RBMS3: variants seen among roughly 807,000 people sequenced by gnomAD.
The protein encoded by RBMS3 is RNA binding motif single stranded interacting protein 3, also known as RNA-binding motif, single-stranded-interacting protein 3.
A neutral mutation model predicts 66.8 loss-of-function variants in RBMS3; 27 were observed. That is an observed-to-expected ratio of 0.40 (90% CI 0.30 to 0.56). RBMS3 has a LOEUF of 0.56. Ranked by LOEUF, RBMS3 falls within the 20% of genes least tolerant of loss-of-function variation. The probability of loss-of-function intolerance (pLI) is 0.40; values close to 1 mark genes in which losing one functional copy is unlikely to be tolerated. For missense variants in RBMS3, 513 were observed against 549.5 expected, an observed-to-expected ratio of 0.93 and a Z score of 0.66; for synonymous variants, 188 against 183.0, an observed-to-expected ratio of 1.03 and a Z score of -0.22.
chr3:29,743,850 T>C (rs1380066358), intron 5 of RBMS3, among the ~76,000 whole-genome samples: 1 of 150,618 alleles, frequency 6.6e-6, no homozygotes, highest in African/African-American at 2.4e-5. Context: ...ACCCATTAAC[T>C]CGTCATTTAG....
In RBMS3 at chr3:29,376,748, A is replaced by G. The variant is rs1043128942; in HGVS notation, c.76-57995A>G. ...TGGTGAAACCCCATCTCTACTAAAA[A>G]TACAAAAAATTACCTGGCGTGGTGG... is the stretch of plus-strand genomic sequence containing the variant. On this transcript the variant is annotated intron_variant, in intron 1 of 14. Transcript: ENST00000383767. Among the ~76,000 whole-genome samples the G allele has an allele frequency of 4.6e-5, 7 of 152,296 alleles. No individual in the cohort carries two copies. In the East Asian group the frequency reaches 1.2e-3, roughly 25 times the overall value.
intron 3 of RBMS3, among the ~76,000 whole-genome samples, chr3:29,549,397 A>ATTTT (rs5847580): frequency 2.2e-5 from 3 of 135,508 alleles, no homozygotes; most frequent in Non-Finnish European, 4.8e-5. Flanking sequence ...AATTGGATTG[A>ATTTT]TTTTTTTTTT....
At chr3:29,630,490 A>T (rs1037991938) in intron 4 of RBMS3, among the ~76,000 whole-genome samples, 2 of 151,976 alleles carry the variant, frequency 1.3e-5, no homozygotes, top group African/African-American at 4.8e-5. Flanking sequence ...TAGGAAACTC[A>T]GTCAATTCTT....
At chr3:29,855,557 A>ATGATCTTTTAGAATGATCTTTTGTGAC (rs2059052380) in intron 6 of RBMS3, among the ~76,000 whole-genome samples, 1 of 152,216 alleles carries the variant, frequency 6.6e-6, no homozygotes, top group Non-Finnish European at 1.5e-5. Context: ...GACTAGCCAA[A>ATGATCTTTTAGAATGATCTTTTGTGAC]TTTGCAATGA....
chr3:30,003,198 G>T (rs1699687267), intron 14 of RBMS3, among the ~76,000 whole-genome samples: 2 of 151,880 alleles, frequency 1.3e-5, no homozygotes, highest in Admixed American at 1.3e-4. Flanking sequence ...AACATAGAAG[G>T]GGCAGTAGCA....
chr3:29,609,088 T>C (rs2048405799), intron 4 of RBMS3, among the ~76,000 whole-genome samples: 1 of 151,772 alleles, frequency 6.6e-6, no homozygotes, highest in African/African-American at 2.4e-5. Flanking sequence ...TAAAATATAA[T>C]AAAAATAAAT....
At chr3:29,402,889 T>C (rs1052193076) in intron 1 of RBMS3, among the ~76,000 whole-genome samples, 2 of 151,876 alleles carry the variant, frequency 1.3e-5, no homozygotes, top group Non-Finnish European at 2.9e-5. Flanking sequence ...GGACACAAAA[T>C]AACTCAGCAG....
At chr3:29,891,137 A>T (rs565675964) in intron 8 of RBMS3, among the ~76,000 whole-genome samples, 31 of 151,760 alleles carry the variant, frequency 2.0e-4, no homozygotes, top group Non-Finnish European at 4.1e-4. Context: ...TTGTGTAAAG[A>T]GTTAAACGGT....
chr3:29,648,457 G>C (rs2149209056), intron 4 of RBMS3, among the ~76,000 whole-genome samples: 1 of 151,532 alleles, frequency 6.6e-6, no homozygotes, highest in East Asian at 2.0e-4. Flanking sequence ...ATTTTTTGTA[G>C]AGACAGGGTT....
intron 4 of RBMS3, among the ~76,000 whole-genome samples, chr3:29,718,854 G>A (rs978163571): frequency 6.6e-6 from 1 of 152,070 alleles, no homozygotes; most frequent in African/African-American, 2.4e-5. Flanking sequence ...ATATAACAAC[G>A]TATCCCTGGA....
chr3:29,740,795 A>C (rs1471975706), intron 5 of RBMS3, among the ~76,000 whole-genome samples: 1 of 152,150 alleles, frequency 6.6e-6, no homozygotes, highest in East Asian at 1.9e-4. Context: ...TAATCTCAGC[A>C]CTTTGGGAGG....
At chr3:29,460,872 G>T (rs1283411150) in intron 2 of RBMS3, among the ~76,000 whole-genome samples, 1 of 152,112 alleles carries the variant, frequency 6.6e-6, no homozygotes, top group Non-Finnish European at 1.5e-5. Context: ...ATTAATTTAG[G>T]TTTGCTGACC....
At chr3:29,877,353 T>C (rs1437927293) in intron 7 of RBMS3, among the ~76,000 whole-genome samples, 1 of 151,884 alleles carries the variant, frequency 6.6e-6, no homozygotes, top group Non-Finnish European at 1.5e-5. Flanking sequence ...AGAACAAAAA[T>C]AAGGGGAGAG....
chr3:29,409,369 C>T (rs996729049), intron 1 of RBMS3, among the ~76,000 whole-genome samples: 2 of 152,040 alleles, frequency 1.3e-5, no homozygotes, highest in African/African-American at 4.8e-5. Context: ...TCCAGAGTCT[C>T]TCCATGTGGC....
intron 3 of RBMS3, among the ~76,000 whole-genome samples, chr3:29,555,074 C>T (rs2046307010): frequency 6.6e-6 from 1 of 152,088 alleles, no homozygotes; most frequent in Non-Finnish European, 1.5e-5. Flanking sequence ...AGTATATAAT[C>T]ACCTTAGCAG....
Position 29,918,858 on chromosome 3 carries a change from A to G in RBMS3, c.940-17228A>G, listed in dbSNP as rs191498387. Among the ~76,000 whole-genome samples, 445 of 152,160 alleles carry G rather than the reference A, an allele frequency of 2.9e-3. 5 individuals carry two copies. The highest frequency in any genetic ancestry group is 8.9e-3 in the African/African-American group (368 of 41,554). On this transcript the variant is annotated intron_variant, in intron 10 of 14. Transcript: ENST00000383767. Reference sequence around the variant, plus strand: ...TTTCAAAACCCTACATATTAAGTCTAAAAGATCAAAGAACTCTGAATCAAA... The same window carrying G: ...TTTCAAAACCCTACATATTAAGTCTGAAAGATCAAAGAACTCTGAATCAAA...
At chr3:29,984,753 C>T (rs949605347) in intron 12 of RBMS3, among the ~76,000 whole-genome samples, 2 of 152,134 alleles carry the variant, frequency 1.3e-5, no homozygotes, top group African/African-American at 2.4e-5. Context: ...TGCAGAACAG[C>T]AAATATTGCT....
chr3:29,286,890 T>G (rs1559461101), intron 1 of RBMS3, among the ~76,000 whole-genome samples: 1 of 152,098 alleles, frequency 6.6e-6, no homozygotes, highest in Non-Finnish European at 1.5e-5. Flanking sequence ...TTATTCAGAG[T>G]AAATGGTTGA....
At chr3:29,501,893 G>C (rs753913164) in intron 3 of RBMS3, among the ~76,000 whole-genome samples, 1 of 152,070 alleles carries the variant, frequency 6.6e-6, no homozygotes, top group Non-Finnish European at 1.5e-5. Flanking sequence ...TAAACGAAGA[G>C]CTGTGTAGTC....
Sources: gnomAD v4.1 joint callset for allele counts (sites outside exome capture counted in the v4.1 genomes callset) on GRCh38, gnomAD v4.1.1 for gene constraint, MANE v1.5 for transcripts, NCBI Gene and HGNC (gene_info 2026-07-23, HGNC 2026-07-21) for gene names.